Variants in TUT1 observed in about 807,000 individuals in gnomAD.
The protein encoded by TUT1 is speckle targeted PIP5K1A-regulated poly(A) polymerase.
Under a neutral mutation model 48.8 loss-of-function variants are expected in TUT1, and 26 were observed. The ratio of observed to expected loss-of-function variants is 0.53; its 90% CI spans 0.39 to 0.74. The LOEUF (loss-of-function observed/expected upper bound fraction) is 0.74, where lower values mean the gene tolerates loss of function less well. TUT1 is among the 30% of genes least tolerant of loss of function. The pLI, the probability that TUT1 is intolerant of heterozygous loss-of-function variation, is 0.00. For missense variants in TUT1, 1,065 were observed against 1,114.8 expected (o/e 0.96, Z 0.64); for synonymous variants, 470 against 460.8 (o/e 1.02, Z -0.26).
Position 62,578,686 on chromosome 11 carries a change from T to C in TUT1, c.1035A>G (p.Gly345=). The C allele has an allele frequency of 6.2e-7, 1 of 1,614,200 alleles. No homozygotes were observed. ...AEGAAMLELV[G]SILRGCVPGV... ...CAGGGACACAGCCCCGGAGAATGGATCCCACCAGCTCCAGCATTGCTGCCC... is the reference window on the plus strand; with the variant it reads ...CAGGGACACAGCCCCGGAGAATGGACCCCACCAGCTCCAGCATTGCTGCCC... The change falls in exon 5 of 9, where the codon GGA becomes GGG. Residue 345 remains glycine, a synonymous_variant. Coordinates refer to ENST00000476907, the MANE Select transcript of TUT1 (RefSeq NM_022830.3).
intron 8 of TUT1, 79 bp from the exon 9 acceptor site, chr11:62,576,323 C>A: frequency 7.0e-7 from 1 of 1,433,454 alleles, no homozygotes; most frequent in African/African-American, 1.4e-5. Context: ...AGAGCCATTT[C>A]CTTAGCAGGA....
intron 5 of TUT1, among the ~76,000 whole-genome samples, chr11:62,577,557 C>G (rs1001480939): frequency 3.3e-5 from 5 of 150,672 alleles, no homozygotes; most frequent in Non-Finnish European, 7.4e-5. Context: ...TGCACTCCAG[C>G]CTGGGTGACA....
intron 5 of TUT1, among the ~76,000 whole-genome samples, chr11:62,577,739 T>A (rs546444074): frequency 6.6e-6 from 1 of 152,306 alleles, no homozygotes; most frequent in East Asian, 1.9e-4. Flanking sequence ...CCCAAATTTA[T>A]TCAACGCAGA....
chr11:62,575,259 G>C lies in TUT1; in HGVS notation c.2460C>G (p.Gly820=). The change falls in exon 9 of 9, where the codon GGC becomes GGG. Residue 820 remains glycine (G), a synonymous_variant. Transcript: ENST00000476907. ...GGGGCTCAGTTTCTGGCCTCTCTTC[G>C]CCACCACTCAGTCCTTTCAGCTCCT... ...VTQELKGLSG[G]EERPETEPLL... is the part of the protein sequence containing the mutation. 2 of 1,614,126 alleles carry C rather than the reference G, an allele frequency of 1.2e-6. No homozygotes were observed. The highest frequency in any genetic ancestry group is 1.3e-5 in the African/African-American group (1 of 75,028).
Position 62,575,636 on chromosome 11 carries a change from C to T in TUT1, c.2083G>A (p.Glu695Lys). The T allele has an allele frequency of 6.2e-7, 1 of 1,614,212 alleles. No homozygotes were observed. Among genetic ancestry groups the T allele is most frequent in the Non-Finnish European group, 8.5e-7 (1 of 1,180,036 alleles). The change falls in exon 9 of 9, where the codon GAG becomes AAG. Residue 695 changes from glutamate to lysine, a missense_variant. Coordinates refer to ENST00000476907, the MANE Select transcript of TUT1 (RefSeq NM_022830.3). ...CAGTCCTGCACCATCTCTCCAACCT[C>T]TATAACCATCTCTTCTACCCTGTCT... ...GEDRVEEMVI[E>K]VGEMVQDWAM...
chr11:62,581,752 C>T, intron 2 of TUT1, 51 bp from the exon 3 acceptor site: 1 of 1,307,776 alleles, frequency 7.6e-7, no homozygotes, highest in Non-Finnish European at 1.0e-6. Flanking sequence ...AGAATCTAAG[C>T]ACGAGATCTA....
At chr11:62,579,663 ATTTTTTTTT>A (rs35468652) in intron 4 of TUT1, among the ~76,000 whole-genome samples, 2 of 128,240 alleles carry the variant, frequency 1.6e-5, no homozygotes, top group Non-Finnish European at 3.4e-5. Flanking sequence ...AATAAAGTCC[ATTTTTTTTT>A]TTTTTTTTTT....
intron 2 of TUT1, among the ~76,000 whole-genome samples, chr11:62,583,360 A>C (rs556052059): frequency 1.3e-5 from 2 of 152,194 alleles, no homozygotes; most frequent in African/African-American, 4.8e-5. Context: ...GCCTAATCTC[A>C]ACACTTTGGG....
At chr11:62,576,272 G>A (rs780243454) in intron 8 of TUT1, 28 bp from the exon 9 acceptor site, 9 of 1,517,970 alleles carry the variant, frequency 5.9e-6, no homozygotes, top group Non-Finnish European at 7.9e-6. Context: ...GTGGGGAAAG[G>A]GGGGTCACTT....
At chr11:62,580,850 T>TC (rs1383005515) in intron 4 of TUT1, among the ~76,000 whole-genome samples, 1 of 152,052 alleles carries the variant, frequency 6.6e-6, no homozygotes, top group African/African-American at 2.4e-5. Flanking sequence ...CCTCAGGTGA[T>TC]CCACCCACCT....
rs768777598 is a variant in TUT1 at position 62,576,999 on chromosome 11, C to G, written c.1289G>C (p.Ser430Thr). Residue 430 changes from serine (S) to threonine (T), a missense_variant, in exon 7 of 9, where the codon AGT becomes ACT. Ser to Thr is a moderately conservative substitution (Grantham distance 58). Transcript: ENST00000476907. ...CACCAGCAAGGTCAGGGCGTAGTTA[C>G]TGAGAAGGGGGCCACTCCCTGGGTA... ...RGLSGSGPLL[S>T]NYALTLLVIY... The G allele has an allele frequency of 4.6e-5, 75 of 1,613,978 alleles. No homozygotes were observed. Among genetic ancestry groups the G allele is most frequent in the Non-Finnish European group, 5.8e-5 (69 of 1,180,038 alleles).
rs368319858 is a variant in TUT1, at chr11:62,584,926, A to G, written c.274-3225T>C. On this transcript the variant is annotated intron_variant, in intron 2 of 8. Coordinates refer to ENST00000476907, the MANE Select transcript of TUT1 (RefSeq NM_022830.3). The stretch of plus-strand genomic sequence containing the variant: ...AACCTCCGCCTCTCGGGTTCAAGCA[A>G]TTCTCCTGCCTCAGTCTCCTGAATA... 3.3e-5 allele frequency among the ~76,000 whole-genome samples: 5 copies of G among 152,038 alleles called. No homozygotes were observed. In the East Asian group the frequency reaches 5.8e-4, roughly 18 times the overall value.
chr11:62,579,525 AGAGT>A (rs2134306558), intron 4 of TUT1, among the ~76,000 whole-genome samples: 1 of 151,944 alleles, frequency 6.6e-6, no homozygotes, highest in East Asian at 1.9e-4. Context: ...ATATAAATAG[AGAGT>A]GTGTGTGTGT....
At position 62,589,053 on chromosome 11, in the gene TUT1, C is replaced by A; in HGVS notation, c.251G>T (p.Ser84Ile). Reference protein sequence around the residue: ...EYFLAFGPVASVVMDKDKGVF... With the variant: ...EYFLAFGPVAIVVMDKDKGVF... ...TACCTTGTCCTTGTCCATGACAACACTGGCCACAGGTCCAAATGCTAGGAA... is the reference window on the plus strand; with the variant it reads ...TACCTTGTCCTTGTCCATGACAACAATGGCCACAGGTCCAAATGCTAGGAA... Residue 84 changes from serine to isoleucine, a missense_variant, in exon 2 of 9, where the codon AGT (serine) becomes ATT (isoleucine). By Grantham distance (142) the Ser-to-Ile change is moderately radical. Transcript: ENST00000476907. 6.2e-7 allele frequency: 1 copy of A among 1,613,928 alleles called. No homozygotes were observed. The highest frequency in any genetic ancestry group is 1.1e-5 in the South Asian group (1 of 91,078).
intron 2 of TUT1, among the ~76,000 whole-genome samples, chr11:62,583,549 G>A: frequency 6.6e-6 from 1 of 152,044 alleles, no homozygotes; most frequent in East Asian, 1.9e-4. Context: ...TGTGAGCCGA[G>A]ATTGTGCATT....
rs1173483743 is a variant in TUT1, at chr11:62,576,032, G to C, written c.1687C>G (p.Leu563Val). 6.2e-7 allele frequency: 1 copy of C among 1,613,702 alleles called. No homozygotes were observed. The highest frequency in any genetic ancestry group is 8.5e-7 in the Non-Finnish European group (1 of 1,180,038). The change falls in exon 9 of 9, where the codon CTA becomes GTA. Residue 563 changes from leucine (L) to valine (V), a missense_variant. Leu to Val is a conservative substitution (Grantham distance 32). Transcript: ENST00000476907. ...GCTGCTGCTCGGCAGCAGTTCTGTA[G>C]GCGCCCAGCCACCCGGCTGGTCACA... is the stretch of plus-strand genomic sequence containing the variant. ...ANVTSRVAGR[L>V]QNCCRAAANY...
intron 2 of TUT1, among the ~76,000 whole-genome samples, chr11:62,583,163 T>C (rs369179669): frequency 5.9e-4 from 87 of 147,334 alleles, no homozygotes; most frequent in African/African-American, 2.0e-3. Flanking sequence ...ATTCATGTAA[T>C]AAACACTGTG....
At chr11:62,588,217 A>G (rs1226283161) in intron 2 of TUT1, among the ~76,000 whole-genome samples, 2 of 152,218 alleles carry the variant, frequency 1.3e-5, no homozygotes, top group Non-Finnish European at 2.9e-5. Flanking sequence ...GATGACACAC[A>G]CAAAAAAATC....
intron 2 of TUT1, among the ~76,000 whole-genome samples, chr11:62,583,128 CAAA>C (rs777695327): frequency 5.1e-5 from 3 of 58,528 alleles, no homozygotes; most frequent in African/African-American, 5.3e-5. Context: ...ACTCTGTCTC[CAAA>C]AAAAAAAAAA....
Sources: allele counts gnomAD v4.1 joint callset (sites outside exome capture counted in the v4.1 genomes callset), GRCh38; gene constraint gnomAD v4.1.1; transcripts MANE v1.5; gene names NCBI Gene and HGNC (gene_info 2026-07-23, HGNC 2026-07-21).